Variants in KCNQ5 observed in about 807,000 individuals in gnomAD.
KCNQ5 encodes potassium voltage-gated channel subfamily KQT member 5.
A neutral mutation model predicts 98.2 loss-of-function variants in KCNQ5; 30 were observed. That is an observed-to-expected ratio of 0.31 (90% CI 0.23 to 0.41). The LOEUF (loss-of-function observed/expected upper bound fraction) is 0.41. Ranked by LOEUF, KCNQ5 falls within the 10% of genes least tolerant of loss-of-function variation. The pLI, the probability that KCNQ5 is intolerant of heterozygous loss-of-function variation, is 1.00. For missense variants in KCNQ5, 835 were observed against 1,182.5 expected (o/e 0.71, Z 4.31); for synonymous variants, 458 against 449.4 (o/e 1.02, Z -0.24).
intron 1 of KCNQ5, among the ~76,000 whole-genome samples, chr6:72,971,215 C>T (rs944550623): frequency 1.3e-5 from 2 of 152,186 alleles, no homozygotes; most frequent in South Asian, 2.1e-4. Context: ...CAAAAGAAGA[C>T]ATTTATGCAG....
rs4288166 is a variant in KCNQ5, at chr6:72,799,706, A to G, written c.398+177119A>G. 1.9e-3 allele frequency among the ~76,000 whole-genome samples: 292 copies of G among 152,314 alleles called. 3 individuals are homozygous for G. The highest frequency in any genetic ancestry group is 0.013 in the Admixed American group (199 of 15,278). ...GGAGGCACTGAAACTGGTTCTTGGC[A>G]TCATAGTCCTTAACTGTGGGACTGC... On this transcript the variant is annotated intron_variant, in intron 1 of 13. Transcript: ENST00000370398.
intron 11 of KCNQ5, among the ~76,000 whole-genome samples, chr6:73,187,236 T>C (rs989252673): frequency 2.0e-5 from 3 of 152,062 alleles, no homozygotes; most frequent in Non-Finnish European, 4.4e-5. Context: ...ATTTTTTGTA[T>C]TTTTAGTAGA....
At chr6:73,026,801 A>C (rs1432061681) in intron 2 of KCNQ5, among the ~76,000 whole-genome samples, 1 of 152,160 alleles carries the variant, frequency 6.6e-6, no homozygotes, top group African/African-American at 2.4e-5. Context: ...AATTCATTTA[A>C]AGTCTGGTGA....
chr6:73,127,009 G>A (rs1345243976), intron 9 of KCNQ5, among the ~76,000 whole-genome samples: 1 of 152,068 alleles, frequency 6.6e-6, no homozygotes, highest in Non-Finnish European at 1.5e-5. Flanking sequence ...GTAAGCTGAA[G>A]CTCCCATTTA....
At chr6:72,856,807 G>A (rs1414154263) in intron 1 of KCNQ5, among the ~76,000 whole-genome samples, 4 of 152,196 alleles carry the variant, frequency 2.6e-5, no homozygotes, top group Admixed American at 6.5e-5. Flanking sequence ...CCCATGTCCA[G>A]CAGATCTACT....
chr6:72,906,956 A>T (rs1779722038), intron 1 of KCNQ5, among the ~76,000 whole-genome samples: 1 of 152,108 alleles, frequency 6.6e-6, no homozygotes, highest in African/African-American at 2.4e-5. Context: ...AAGTTTTCTG[A>T]TTATGTTATT....
chr6:72,803,674 A>G (rs190833434), intron 1 of KCNQ5, among the ~76,000 whole-genome samples: 1 of 152,276 alleles, frequency 6.6e-6, no homozygotes, highest in African/African-American at 2.4e-5. Flanking sequence ...TTCACAAATC[A>G]TCACCCTAGA....
chr6:72,745,425 C>T (rs1438395332), intron 1 of KCNQ5, among the ~76,000 whole-genome samples: 1 of 152,186 alleles, frequency 6.6e-6, no homozygotes, highest in Non-Finnish European at 1.5e-5. Flanking sequence ...GGAGCCACAT[C>T]CAATCATTCA....
At chr6:73,187,862 C>G (rs1765441664) in intron 11 of KCNQ5, among the ~76,000 whole-genome samples, 1 of 152,122 alleles carries the variant, frequency 6.6e-6, no homozygotes, top group Non-Finnish European at 1.5e-5. Flanking sequence ...GTTAAAACAT[C>G]TCTGAAAGGA....
At chr6:72,985,844 A>C (rs755667968) in intron 1 of KCNQ5, among the ~76,000 whole-genome samples, 7 of 152,212 alleles carry the variant, frequency 4.6e-5, no homozygotes, top group Non-Finnish European at 8.8e-5. Flanking sequence ...ATTACACCAA[A>C]AAGACATATG....
chr6:73,096,995 C>G (rs1250591885), intron 5 of KCNQ5, among the ~76,000 whole-genome samples: 1 of 151,698 alleles, frequency 6.6e-6, no homozygotes, highest in Non-Finnish European at 1.5e-5. Flanking sequence ...AAGCTGAGAC[C>G]GTGCCACTGC....
chr6:73,040,164 T>G (rs1275606426), intron 2 of KCNQ5, among the ~76,000 whole-genome samples: 2 of 152,252 alleles, frequency 1.3e-5, no homozygotes, highest in African/African-American at 4.8e-5. Context: ...GGCATATATC[T>G]GTCATTTGTT....
chr6:72,689,226 A>G (rs1189325040), intron 1 of KCNQ5, among the ~76,000 whole-genome samples: 1 of 152,196 alleles, frequency 6.6e-6, no homozygotes, highest in Non-Finnish European at 1.5e-5. Context: ...TCAAGCGTCA[A>G]TGGCGGAACA....
intron 10 of KCNQ5, among the ~76,000 whole-genome samples, chr6:73,150,491 TATA>T (rs1777106822): frequency 2.3e-5 from 3 of 132,938 alleles, no homozygotes; most frequent in Admixed American, 8.9e-5. Flanking sequence ...TTATATTACA[TATA>T]ATATATTAAT....
At chr6:73,184,266 T>C (rs1778495231) in intron 11 of KCNQ5, among the ~76,000 whole-genome samples, 1 of 152,256 alleles carries the variant, frequency 6.6e-6, no homozygotes, top group South Asian at 2.1e-4. Context: ...AAGAAAATTA[T>C]GTTTTCATGA....
At chr6:73,118,248 G>A (rs1171901280) in intron 7 of KCNQ5, among the ~76,000 whole-genome samples, 1 of 152,090 alleles carries the variant, frequency 6.6e-6, no homozygotes. Context: ...GTTTTCCCTG[G>A]TTTTTGTACG....
At chr6:72,660,353 C>T (rs555223027) in intron 1 of KCNQ5, among the ~76,000 whole-genome samples, 11 of 152,206 alleles carry the variant, frequency 7.2e-5, no homozygotes, top group Middle Eastern at 3.4e-3. Flanking sequence ...TTCTAGAGCG[C>T]GGACATGAAA....
intron 10 of KCNQ5, among the ~76,000 whole-genome samples, chr6:73,168,959 A>G (rs12200306): frequency 0.096 from 14,550 of 152,214 alleles, 725 homozygotes; most frequent in African/African-American, 0.12. Flanking sequence ...ATATTCCATT[A>G]TATAAACCTA....
intron 1 of KCNQ5, among the ~76,000 whole-genome samples, chr6:72,653,385 A>C (rs1265304610): frequency 2.0e-5 from 3 of 151,984 alleles, no homozygotes; most frequent in African/African-American, 7.2e-5. Context: ...CTAATTGTGA[A>C]ATTTGTTGCA....
Sources: allele counts gnomAD v4.1 joint callset (sites outside exome capture counted in the v4.1 genomes callset), GRCh38; gene constraint gnomAD v4.1.1; transcripts MANE v1.5; gene names NCBI Gene and HGNC (gene_info 2026-07-23, HGNC 2026-07-21).